The following RBMS3 variants were observed in gnomAD, a reference collection of about 807,000 sequenced individuals.
RBMS3 encodes the protein RNA-binding motif, single-stranded-interacting protein 3.
RBMS3 carries 27 observed loss-of-function variants against 66.8 expected under a neutral mutation model. That is an observed-to-expected ratio of 0.40 (90% CI 0.30 to 0.56). The LOEUF is 0.56. Among genes scored for constraint, RBMS3 ranks in the 20% least tolerant of loss-of-function variants. The pLI is 0.40. For missense variants in RBMS3, 513 were observed against 549.5 expected, an observed-to-expected ratio of 0.93 and a Z score of 0.66; for synonymous variants, 188 against 183.0, an observed-to-expected ratio of 1.03 and a Z score of -0.22.
chr3:29,363,070 G>A (rs1349582410), intron 1 of RBMS3, among the ~76,000 whole-genome samples: 1 of 152,122 alleles, frequency 6.6e-6, no homozygotes, highest in African/African-American at 2.4e-5. Flanking sequence ...TCTGACAATG[G>A]CTTGAGTGTC....
chr3:29,363,040 G>T (rs1439076299), intron 1 of RBMS3, among the ~76,000 whole-genome samples: 2 of 152,158 alleles, frequency 1.3e-5, no homozygotes, highest in African/African-American at 2.4e-5. Flanking sequence ...CCTCATCTGT[G>T]TGCAAGTCTG....
At chr3:29,900,950 C>G (rs1486070416) in intron 10 of RBMS3, among the ~76,000 whole-genome samples, 1 of 151,788 alleles carries the variant, frequency 6.6e-6, no homozygotes, top group African/African-American at 2.4e-5. Flanking sequence ...GCTTTCATAT[C>G]TGAGCAGGGT....
At chr3:29,581,678 TG>T (rs2047334387) in intron 3 of RBMS3, among the ~76,000 whole-genome samples, 1 of 152,252 alleles carries the variant, frequency 6.6e-6, no homozygotes, top group East Asian at 1.9e-4. Flanking sequence ...ACGGTTGGAT[TG>T]TCTTTGGAAG....
intron 4 of RBMS3, among the ~76,000 whole-genome samples, chr3:29,619,612 G>C (rs1181684103): frequency 6.6e-6 from 1 of 152,160 alleles, no homozygotes; most frequent in Non-Finnish European, 1.5e-5. Flanking sequence ...CCAAGCCTCA[G>C]TGTATCCATC....
At chr3:29,801,230 C>A (rs1000310441) in intron 6 of RBMS3, among the ~76,000 whole-genome samples, 2 of 150,874 alleles carry the variant, frequency 1.3e-5, no homozygotes, top group Admixed American at 1.3e-4. Context: ...TGTGGTTTAA[C>A]TATGTTACTA....
At chr3:29,779,706 A>ATATATATATATATATATATATATATAT (rs2056554752) in intron 6 of RBMS3, among the ~76,000 whole-genome samples, 1 of 107,062 alleles carries the variant, frequency 9.3e-6, no homozygotes, top group Non-Finnish European at 2.2e-5. Flanking sequence ...ATTAAGATGA[A>ATATATATATATATATATATATATATAT]ATATATATAT....
chr3:29,741,962 G>A (rs2054668357), intron 5 of RBMS3, among the ~76,000 whole-genome samples: 2 of 151,940 alleles, frequency 1.3e-5, no homozygotes. Flanking sequence ...CCTTTAAAGG[G>A]GTAATTACAA....
chr3:29,563,080 C>T (rs181137341), intron 3 of RBMS3, among the ~76,000 whole-genome samples: 29 of 152,272 alleles, frequency 1.9e-4, no homozygotes, highest in African/African-American at 7.0e-4. Flanking sequence ...GACATGGTCT[C>T]CTGTGATTCT....
At chr3:29,614,842 T>A (rs187022850) in intron 4 of RBMS3, 1 of 152,290 alleles carries the variant, frequency 6.6e-6, no homozygotes, top group East Asian at 1.9e-4. Flanking sequence ...TTTAAAGGGA[T>A]CCTATTCTGT....
intron 12 of RBMS3, among the ~76,000 whole-genome samples, chr3:29,965,718 A>T (rs1213896387): frequency 6.6e-6 from 1 of 152,132 alleles, no homozygotes; most frequent in Non-Finnish European, 1.5e-5. Flanking sequence ...TCTGTACAAA[A>T]GCATCTTAGT....
chr3:29,774,864 G>T (rs1014188252), intron 6 of RBMS3, among the ~76,000 whole-genome samples: 3 of 151,698 alleles, frequency 2.0e-5, no homozygotes, highest in African/African-American at 7.3e-5. Context: ...AAAAGTGTAT[G>T]ATTTATGTCA....
intron 3 of RBMS3, among the ~76,000 whole-genome samples, chr3:29,506,022 C>G (rs1459011685): frequency 6.6e-6 from 1 of 151,778 alleles, no homozygotes; most frequent in Non-Finnish European, 1.5e-5. Context: ...TACTTACAAA[C>G]AAGGATAATT....
At chr3:29,407,000 A>G (rs892158214) in intron 1 of RBMS3, among the ~76,000 whole-genome samples, 2 of 152,218 alleles carry the variant, frequency 1.3e-5, no homozygotes, top group African/African-American at 4.8e-5. Context: ...GCTCATATTC[A>G]TGAAACTTAG....
At chr3:29,342,625 A>T (rs1190201860) in intron 1 of RBMS3, among the ~76,000 whole-genome samples, 2 of 152,202 alleles carry the variant, frequency 1.3e-5, no homozygotes. Flanking sequence ...CGAGGATATT[A>T]TCAAGTGGGT....
intron 4 of RBMS3, among the ~76,000 whole-genome samples, chr3:29,629,159 A>T (rs2049184680): frequency 6.6e-6 from 1 of 152,190 alleles, no homozygotes; most frequent in Admixed American, 6.6e-5. Flanking sequence ...AGAATTGATG[A>T]AATAAGTAAT....
intron 6 of RBMS3, among the ~76,000 whole-genome samples, chr3:29,772,643 G>A (rs373401841): frequency 6.6e-6 from 1 of 151,940 alleles, no homozygotes; most frequent in Admixed American, 6.6e-5. Context: ...CAGCATAGGA[G>A]GTCGGTGGTT....
At chr3:29,446,257 C>T (rs1351960816) in intron 2 of RBMS3, among the ~76,000 whole-genome samples, 1 of 152,036 alleles carries the variant, frequency 6.6e-6, no homozygotes, top group Non-Finnish European at 1.5e-5. Flanking sequence ...GTTAAGCCCT[C>T]AATAATTGTT....
At chr3:29,417,354 A>G (rs2040520841) in intron 1 of RBMS3, among the ~76,000 whole-genome samples, 1 of 152,012 alleles carries the variant, frequency 6.6e-6, no homozygotes, top group African/African-American at 2.4e-5. Context: ...GGACACCTTA[A>G]TTTTCATAAT....
Position 29,839,120 on chromosome 3 carries a change from GTCT to G in RBMS3, c.638-29735_638-29733del, listed in dbSNP as rs147645926. 8.9e-3 allele frequency among the ~76,000 whole-genome samples: 1,350 copies of G among 152,274 alleles called. 22 individuals carry two copies. Among genetic ancestry groups the G allele is most frequent in the African/African-American group, 0.031 (1,269 of 41,560 alleles). On this transcript the variant is annotated intron_variant, in intron 6 of 14. Coordinates refer to ENST00000383767, the MANE Select transcript of RBMS3 (RefSeq NM_001003793.3). ...TAATACATTTTTCAAGGTAGCGCCA[GTCT>G]TCATCTGTAGCCATTAATTTGGTGA...
Sources: gnomAD v4.1 joint callset for allele counts (sites outside exome capture counted in the v4.1 genomes callset) on GRCh38, gnomAD v4.1.1 for gene constraint, MANE v1.5 for transcripts, NCBI Gene and HGNC (gene_info 2026-07-23, HGNC 2026-07-21) for gene names.